LRRC23: variants seen among roughly 807,000 people sequenced by gnomAD.
LRRC23 encodes leucine-rich repeat-containing protein 23.
LRRC23 carries 28 observed loss-of-function variants against 37.7 expected under a neutral mutation model. That is an observed-to-expected ratio of 0.74 (90% CI 0.55 to 1.02). The LOEUF (loss-of-function observed/expected upper bound fraction) is 1.02. Ranked by LOEUF, LRRC23 falls within the 50% of genes least tolerant of loss-of-function variation. The pLI is 0.00. For missense variants in LRRC23, 377 were observed against 413.2 expected, an observed-to-expected ratio of 0.91 and a Z score of 0.76; for synonymous variants, 161 against 165.4, an observed-to-expected ratio of 0.97 and a Z score of 0.20.
Position 6,905,160 on chromosome 12 carries a change from T to A in LRRC23, c.-50+85T>A, listed in dbSNP as rs115661760. 565 of 164,012 alleles carry A rather than the reference T, an allele frequency of 3.4e-3. 1 individual carries two copies. The highest frequency in any genetic ancestry group is 0.012 in the African/African-American group (518 of 41,574). 10.2% of individuals were successfully genotyped at this position (164,012 alleles called of 1,614,324 possible). ...GGTGTACCAGAGGGCCCAAGGAAATTGGCCCAGTGGGGAGGGAAAAGTAGA... is the reference window on the plus strand; with the variant it reads ...GGTGTACCAGAGGGCCCAAGGAAATAGGCCCAGTGGGGAGGGAAAAGTAGA... On this transcript the variant is annotated intron_variant, in intron 1 of 7. Coordinates refer to ENST00000443597, the MANE Select transcript of LRRC23 (RefSeq NM_001135217.2).
chr12:6,910,403 T>A (rs1555140567), intron 6 of LRRC23, among the ~76,000 whole-genome samples: 1 of 151,880 alleles, frequency 6.6e-6, no homozygotes, highest in African/African-American at 2.4e-5. Context: ...AGTGAGACCA[T>A]GTTTCTACAG....
At chr12:6,905,811 G>A (rs368888814) in intron 2 of LRRC23, 34 bp from the exon 3 acceptor site, 2 of 1,613,402 alleles carry the variant, frequency 1.2e-6, no homozygotes, top group African/African-American at 1.3e-5. Context: ...GGGTTGGGCA[G>A]GGGAGAGACA....
chr12:6,905,641 A>G lies in LRRC23; in HGVS notation c.8A>G (p.Asp3Gly). The change falls in exon 2 of 8, where the codon GAT becomes GGT. Residue 3 changes from aspartate (D) to glycine (G), a missense_variant. Transcript: ENST00000443597. Reference protein sequence around the residue: MSDEDDLEDSEPD... With the variant: MSGEDDLEDSEPD... ...TTTCAGGAGGGAAGAAAGATGTCAG[A>G]TGAAGATGATCTAGAAGACTCTGAG... The G allele has an allele frequency of 6.2e-7, 1 of 1,613,906 alleles. No individual in the cohort carries two copies. Among genetic ancestry groups the G allele is most frequent in the Non-Finnish European group, 8.5e-7 (1 of 1,179,910 alleles).
intron 6 of LRRC23, among the ~76,000 whole-genome samples, chr12:6,910,902 G>C (rs1555140638): frequency 6.6e-6 from 1 of 152,126 alleles, no homozygotes; most frequent in Admixed American, 6.5e-5. Context: ...GGGTGACAGA[G>C]TGAGCTGTCT....
Position 6,907,442 on chromosome 12 carries a change from C to T in LRRC23, c.618C>T (p.Tyr206=). The change falls in exon 5 of 8, where the codon TAC becomes TAT. Residue 206 remains tyrosine, a synonymous_variant. Transcript: ENST00000443597. ...ATCTTCCTAAGCTGAAGAACCTCTA[C>T]CTGGTAGCTCACTGGGTCAGAGGGT... ...GINLPKLKNL[Y]LAQNMLKKVE... 6.2e-7 allele frequency: 1 copy of T among 1,614,022 alleles called. No homozygotes were observed. The highest frequency in any genetic ancestry group is 1.7e-5 in the Admixed American group (1 of 59,996).
At position 6,906,647 on chromosome 12, in the gene LRRC23, AC is replaced by A. The variant is rs1555139677; in HGVS notation, c.478del (p.Leu160Ter). ...AGGCATCTCTCATCCTCGTCTTGAA[AC>A]CCTGAATCTCAAAGGTGGGTCTTTA... is the stretch of plus-strand genomic sequence containing the variant. ...TEGISHPRLE[T>X]LNLKGNSIHM... On this transcript the variant is annotated frameshift_variant, in exon 4 of 8. Coordinates refer to ENST00000443597, the MANE Select transcript of LRRC23 (RefSeq NM_001135217.2). LOFTEE classifies it high-confidence loss of function. 1 of 1,613,742 alleles carries A rather than the reference AC, an allele frequency of 6.2e-7. No homozygotes were observed. The highest frequency in any genetic ancestry group is 1.3e-5 in the African/African-American group (1 of 74,816).
intron 5 of LRRC23, 140 bp from the exon 6 acceptor site, chr12:6,909,750 C>A: frequency 1.4e-6 from 1 of 713,256 alleles, no homozygotes; most frequent in South Asian, 2.0e-5. Flanking sequence ...CTATACTGAT[C>A]TCTACTCACC....
In LRRC23 at chr12:6,910,040, C is replaced by T. The variant is rs782491544; in HGVS notation, c.758+14C>T. The T allele has an allele frequency of 6.9e-6, 11 of 1,597,988 alleles. No individual in the cohort carries two copies. The highest frequency in any genetic ancestry group is 9.4e-6 in the Non-Finnish European group (11 of 1,172,108). Reference sequence around the variant, plus strand: ...CCTCAACCTGAGGTATGCACCCTCTCCAAGCCCCACCTTGCCCCTACCCCT... The same window carrying T: ...CCTCAACCTGAGGTATGCACCCTCTTCAAGCCCCACCTTGCCCCTACCCCT... On this transcript the variant is annotated intron_variant, in intron 6 of 7. Transcript: ENST00000443597.
At position 6,905,693 on chromosome 12, in the gene LRRC23, A is replaced by G; in HGVS notation, c.60A>G (p.Glu20=). Residue 20 remains glutamate, a synonymous_variant, in exon 2 of 8, where the codon GAA becomes GAG. Coordinates refer to ENST00000443597, the MANE Select transcript of LRRC23 (RefSeq NM_001135217.2). The stretch of plus-strand genomic sequence containing the variant: ...CAGACCAGGATGATTCTGAGAAAGA[A>G]GAGGACGAGAAGGAGACAGAGGAGG... ...SEPDQDDSEK[E]EDEKETEEGE... is the part of the protein sequence containing the mutation. The G allele has an allele frequency of 6.2e-7, 1 of 1,613,698 alleles. No homozygotes were observed. Among genetic ancestry groups the G allele is most frequent in the South Asian group, 1.1e-5 (1 of 91,060 alleles).
intron 6 of LRRC23, among the ~76,000 whole-genome samples, chr12:6,912,204 C>T (rs1391488163): frequency 2.6e-5 from 4 of 152,130 alleles, no homozygotes; most frequent in Non-Finnish European, 5.9e-5. Flanking sequence ...GGGTGGAGTG[C>T]AGTGGCTCGA....
At chr12:6,913,801 G>C in intron 7 of LRRC23, 90 bp from the exon 8 acceptor site, 2 of 950,576 alleles carry the variant, frequency 2.1e-6, no homozygotes, top group East Asian at 5.2e-5. Context: ...CTGACCTCGT[G>C]ATCTGCCCGC....
intron 5 of LRRC23, among the ~76,000 whole-genome samples, chr12:6,909,347 A>C (rs1223951136): frequency 1.9e-5 from 1 of 53,466 alleles, no homozygotes; most frequent in Non-Finnish European, 2.9e-5. Flanking sequence ...ATATATAAAT[A>C]TATATAATAG....
At position 6,909,158 on chromosome 12, in the gene LRRC23, A is replaced by ATATATTATTATATAT. The variant is rs1215796063; in HGVS notation, c.622-727_622-726insTATTATATATTATAT. 7.6e-3 allele frequency among the ~76,000 whole-genome samples: 30 copies of ATATATTATTATATAT among 3,928 alleles called. 4 individuals carry two copies. The Admixed American group carries it at 0.079, about 10-fold the overall frequency. The allele number at this position is 3,928 out of a possible 152,430, so 2.6% of individuals were successfully genotyped here. On this transcript the variant is annotated intron_variant, in intron 5 of 7. Transcript: ENST00000443597. ...AATTATATATTATATATTATATATT[A>ATATATTATTATATAT]TATATAAAATATATAATATATAATT...
intron 5 of LRRC23, among the ~76,000 whole-genome samples, chr12:6,908,652 A>G (rs1945015694): frequency 1.6e-5 from 2 of 121,886 alleles, no homozygotes; most frequent in African/African-American, 3.9e-5. Flanking sequence ...CCCCGTCTCT[A>G]CTAAAAATAC....
At position 6,909,994 on chromosome 12, in the gene LRRC23, AGAAAT is replaced by A. The variant is rs781982224; in HGVS notation, c.732_736del (p.Met244IlefsTer34). The A allele has an allele frequency of 5.0e-6, 8 of 1,613,532 alleles. No individual in the cohort carries two copies. In the East Asian group the frequency reaches 1.6e-4, roughly 31 times the overall value. ...TTGACACCCTGAGTGGCTTCTCCAGAGAAATGAAATCATTGCAGTACCTCAACCTG... is the reference window on the plus strand; with the variant it reads ...TTGACACCCTGAGTGGCTTCTCCAGAGAAATCATTGCAGTACCTCAACCTG... On this transcript the variant is annotated frameshift_variant, in exon 6 of 8. Coordinates refer to ENST00000443597, the MANE Select transcript of LRRC23 (RefSeq NM_001135217.2). LOFTEE classifies it high-confidence loss of function.
chr12:6,909,981 G>A lies in LRRC23; in HGVS notation c.713G>A (p.Ser238Asn), dbSNP rs980750569. 2 of 1,613,912 alleles carry A rather than the reference G, an allele frequency of 1.2e-6. No individual in the cohort carries two copies. Among genetic ancestry groups the A allele is most frequent in the Admixed American group, 1.7e-5 (1 of 59,966 alleles). ...HLRDNQIDTLSGFSREMKSLQ... is the reference protein window; with the variant it reads ...HLRDNQIDTLNGFSREMKSLQ... The stretch of plus-strand genomic sequence containing the variant: ...CGAGACAACCAGATTGACACCCTGA[G>A]TGGCTTCTCCAGAGAAATGAAATCA... Residue 238 changes from serine (S) to asparagine (N), a missense_variant, in exon 6 of 8, where the codon AGT (serine) becomes AAT (asparagine). Physicochemically the swap from Ser to Asn is conservative, Grantham distance 46 (BLOSUM62 1). Transcript: ENST00000443597.
chr12:6,909,040 T>TAA, intron 5 of LRRC23, among the ~76,000 whole-genome samples: 1 of 87,180 alleles, frequency 1.1e-5, no homozygotes, highest in East Asian at 2.4e-4. Context: ...ATATTATATA[T>TAA]TATATAATTA....
At chr12:6,913,554 T>G (rs1565556349) in intron 7 of LRRC23, among the ~76,000 whole-genome samples, 1 of 111,940 alleles carries the variant, frequency 8.9e-6, no homozygotes, top group East Asian at 3.5e-4. Flanking sequence ...TACCTCTGTT[T>G]GTTTTTTTTT....
intron 6 of LRRC23, 61 bp downstream of exon 6, chr12:6,910,087 C>G: frequency 6.6e-7 from 1 of 1,503,860 alleles, no homozygotes; most frequent in East Asian, 2.3e-5. Flanking sequence ...GCTTTTGAGT[C>G]TGTGTTCTTC....
Sources: gnomAD v4.1 joint callset for allele counts (sites outside exome capture counted in the v4.1 genomes callset) on GRCh38, gnomAD v4.1.1 for gene constraint, MANE v1.5 for transcripts, NCBI Gene and HGNC (gene_info 2026-07-23, HGNC 2026-07-21) for gene names.